The following TRPM8 variants were observed in gnomAD, a reference collection of about 807,000 sequenced individuals.
TRPM8 encodes the protein transient receptor potential cation channel subfamily M member 8.
A neutral mutation model predicts 133.7 loss-of-function variants in TRPM8; 110 were observed. The observed-to-expected ratio is 0.82, with a 90% CI of 0.70 to 0.96. The LOEUF is 0.96. Ranked by LOEUF, TRPM8 falls within the 40% of genes least tolerant of loss-of-function variation. The pLI, the probability that TRPM8 is intolerant of heterozygous loss-of-function variation, is 0.00. For missense variants in TRPM8, 1,291 were observed against 1,379.5 expected, an observed-to-expected ratio of 0.94 and a Z score of 1.02; for synonymous variants, 535 against 532.3, an observed-to-expected ratio of 1.01 and a Z score of -0.07.
intron 17 of TRPM8, among the ~76,000 whole-genome samples, chr2:233,978,735 A>G (rs1559538909): frequency 6.6e-6 from 1 of 152,134 alleles, no homozygotes; most frequent in African/African-American, 2.4e-5. Context: ...CTATTTACTG[A>G]ATAAAAAAGA....
chr2:233,995,154 A>G (rs1367896454), intron 21 of TRPM8, among the ~76,000 whole-genome samples: 1 of 152,160 alleles, frequency 6.6e-6, no homozygotes, highest in Non-Finnish European at 1.5e-5. Flanking sequence ...TAACTGGAGG[A>G]CTCAGACAAT....
intron 23 of TRPM8, 48 bp from the exon 24 acceptor site, chr2:234,008,022 A>C (rs1306645930): frequency 3.1e-6 from 5 of 1,587,820 alleles, no homozygotes; most frequent in Admixed American, 1.8e-5. Context: ...GCCCTCTCTC[A>C]ATCTGTTTTT....
chr2:233,947,658 C>A, intron 8 of TRPM8: 3 of 1,212,226 alleles, frequency 2.5e-6, no homozygotes, highest in Non-Finnish European at 3.3e-6. Flanking sequence ...TCTGCACCTG[C>A]AACACTGAGC....
intron 3 of TRPM8, 56 bp downstream of exon 3, chr2:233,930,797 C>A: frequency 1.6e-6 from 2 of 1,220,608 alleles, no homozygotes; most frequent in Non-Finnish European, 2.4e-6. Context: ...AATTATCAGC[C>A]ACCCTTACAA....
chr2:233,935,919 A>G (rs192966063), intron 3 of TRPM8, among the ~76,000 whole-genome samples: 1 of 152,294 alleles, frequency 6.6e-6, no homozygotes, highest in Non-Finnish European at 1.5e-5. Context: ...AGAGAGGTCA[A>G]ATAGTCATAG....
At chr2:234,012,455 G>GTTT (rs1341001958) in intron 24 of TRPM8, among the ~76,000 whole-genome samples, 19 of 145,110 alleles carry the variant, frequency 1.3e-4, no homozygotes, top group African/African-American at 4.2e-4. Context: ...AGTCCTAACA[G>GTTT]TTTTTTTTTG....
Position 233,943,475 on chromosome 2 carries a change from A to G in TRPM8, c.699+727A>G, listed in dbSNP as rs182248516. 5.2e-3 allele frequency among the ~76,000 whole-genome samples: 789 copies of G among 152,316 alleles called. 1 individual carries two copies. The highest frequency in any genetic ancestry group is 8.7e-3 in the Non-Finnish European group (591 of 68,028). On this transcript the variant is annotated intron_variant, in intron 6 of 25. Transcript: ENST00000324695. ...CAGCAAACTATTGCAAGGACAAAAAACCAAACACTGCATGTTCTCACTCAT... is the reference window on the plus strand; with the variant it reads ...CAGCAAACTATTGCAAGGACAAAAAGCCAAACACTGCATGTTCTCACTCAT...
Position 233,950,131 on chromosome 2 carries a change from G to A in TRPM8, c.1125G>A (p.Glu375=), listed in dbSNP as rs781171084. The change falls in exon 9 of 26, where the codon GAG becomes GAA. Residue 375 remains glutamate, a synonymous_variant. Transcript: ENST00000324695. ...TVSRLPEEET[E]SWIKWLKEIL... is the part of the protein sequence containing the mutation. ...CCCGGCTGCCTGAGGAGGAGACTGA[G>A]AGTTGGATCAAATGGGTAAGTTGTC... is the stretch of plus-strand genomic sequence containing the variant. 6.2e-7 allele frequency: 1 copy of A among 1,612,782 alleles called. No individual in the cohort carries two copies. Among genetic ancestry groups the A allele is most frequent in the South Asian group, 1.1e-5 (1 of 90,966 alleles).
intron 4 of TRPM8, 52 bp from the exon 5 acceptor site, chr2:233,938,946 G>A (rs1433375032): frequency 6.3e-7 from 1 of 1,579,636 alleles, no homozygotes; most frequent in African/African-American, 1.4e-5. Flanking sequence ...GCTAAACCCC[G>A]ACCTCAGGAG....
chr2:233,925,148 T>C lies in TRPM8; in HGVS notation c.-5-1385T>C, dbSNP rs1691490510. ...TAGACATTTCTGCATTCGGGAGTTA[T>C]AACAGGTGACGTGGAAATAGTTAGC... On this transcript the variant is annotated intron_variant, in intron 1 of 25. Coordinates refer to ENST00000324695, the MANE Select transcript of TRPM8 (RefSeq NM_024080.5). Among the ~76,000 whole-genome samples, 4 of 152,174 alleles carry C rather than the reference T, an allele frequency of 2.6e-5. No homozygotes were observed. In the South Asian group the frequency reaches 8.3e-4, roughly 32 times the overall value.
At chr2:234,003,004 A>C (rs754548960) in intron 22 of TRPM8, among the ~76,000 whole-genome samples, 1 of 152,228 alleles carries the variant, frequency 6.6e-6, no homozygotes, top group Non-Finnish European at 1.5e-5. Context: ...TAAAAATATA[A>C]ATTTTGCTAA....
chr2:233,952,343 T>C (rs142465369), intron 9 of TRPM8, among the ~76,000 whole-genome samples: 175 of 152,152 alleles, frequency 1.2e-3, no homozygotes, highest in Non-Finnish European at 4.3e-4. Flanking sequence ...AAAGGTAACA[T>C]GGATACAAAA....
At chr2:234,011,121 C>G (rs1490079122) in intron 24 of TRPM8, among the ~76,000 whole-genome samples, 2 of 152,132 alleles carry the variant, frequency 1.3e-5, no homozygotes, top group Non-Finnish European at 2.9e-5. Context: ...TATGTTTAAG[C>G]CTTTGATCCA....
chr2:233,985,701 C>G lies in TRPM8; in HGVS notation c.2775C>G (p.Asp925Glu), dbSNP rs760637284. ...CTACATCCTCAGGTACCACGTATGA[C>G]TTTGCCCACTGCACCTTCACTGGGA... ...VPSDVDGTTY[D>E]FAHCTFTGNE... Residue 925 changes from aspartate to glutamate, a missense_variant, in exon 21 of 26, where the codon GAC (aspartate) becomes GAG (glutamate). Coordinates refer to ENST00000324695, the MANE Select transcript of TRPM8 (RefSeq NM_024080.5). The G allele has an allele frequency of 1.5e-5, 24 of 1,614,008 alleles. No individual in the cohort carries two copies. Among genetic ancestry groups the G allele is most frequent in the Non-Finnish European group, 1.9e-5 (22 of 1,180,008 alleles).
intron 21 of TRPM8, among the ~76,000 whole-genome samples, chr2:233,991,182 T>C (rs1340526123): frequency 6.6e-6 from 1 of 152,120 alleles, no homozygotes; most frequent in East Asian, 1.9e-4. Context: ...GGAGAGTCTT[T>C]TATAGTATAT....
At chr2:233,998,411 T>C (rs1186878814) in intron 22 of TRPM8, among the ~76,000 whole-genome samples, 1 of 152,208 alleles carries the variant, frequency 6.6e-6, no homozygotes, top group Non-Finnish European at 1.5e-5. Context: ...ACCATCTCGT[T>C]GTAGTTTGCC....
At chr2:233,996,566 C>T (rs1367021203) in intron 22 of TRPM8, 50 bp downstream of exon 22, 27 of 1,537,782 alleles carry the variant, frequency 1.8e-5, no homozygotes, top group Non-Finnish European at 2.3e-5. Flanking sequence ...CGATTAATTT[C>T]AGGGAAGGAT....
rs73996644 is a variant in TRPM8 at position 233,991,621 on chromosome 2, G to C, written c.2940-4705G>C. 6.1e-3 allele frequency among the ~76,000 whole-genome samples: 934 copies of C among 152,268 alleles called. 11 individuals are homozygous for C. The highest frequency in any genetic ancestry group is 0.021 in the African/African-American group (890 of 41,554). On this transcript the variant is annotated intron_variant, in intron 21 of 25. Transcript: ENST00000324695. The stretch of plus-strand genomic sequence containing the variant: ...AAGTTTCTTGTATTTCAGTGTATTT[G>C]AAAATTCTGCCATTGTTTTAGCATC...
At chr2:233,998,740 T>C (rs1692473710) in intron 22 of TRPM8, among the ~76,000 whole-genome samples, 1 of 151,906 alleles carries the variant, frequency 6.6e-6, no homozygotes, top group Non-Finnish European at 1.5e-5. Flanking sequence ...TGCCAGCTTG[T>C]GCCCATCCAG....
Sources: allele counts gnomAD v4.1 joint callset (sites outside exome capture counted in the v4.1 genomes callset), GRCh38; gene constraint gnomAD v4.1.1; transcripts MANE v1.5; gene names NCBI Gene and HGNC (gene_info 2026-07-23, HGNC 2026-07-21).